Variants in MEF2C observed in about 807,000 individuals in gnomAD.
MEF2C encodes the protein myocyte-specific enhancer factor 2C.
MEF2C carries 6 observed loss-of-function variants against 50.5 expected under a neutral mutation model. The observed-to-expected ratio is 0.12, with a 90% CI of 0.07 to 0.23. The LOEUF is 0.23. Among genes scored for constraint, MEF2C ranks in the 10% least tolerant of loss-of-function variants. MEF2C has a pLI of 1.00. For missense variants in MEF2C, 276 were observed against 605.0 expected (o/e 0.46, Z 5.70); for synonymous variants, 183 against 228.0 (o/e 0.80, Z 1.78).
intron 3 of MEF2C, among the ~76,000 whole-genome samples, chr5:88,796,117 C>G (rs1197753816): frequency 6.6e-6 from 1 of 152,136 alleles, no homozygotes; most frequent in Non-Finnish European, 1.5e-5. Flanking sequence ...TGTTGTGTCT[C>G]TGCCTGGTTT....
chr5:88,851,357 T>C (rs754077469), intron 1 of MEF2C, among the ~76,000 whole-genome samples: 18 of 152,274 alleles, frequency 1.2e-4, no homozygotes, highest in Non-Finnish European at 1.8e-4. Flanking sequence ...AGTTAAGCTT[T>C]TGGAGAGCCA....
rs58754057 is a variant in MEF2C at position 88,896,944 on chromosome 5, T to TACACACAC, written c.-240+6964_-240+6971dup. Among the ~76,000 whole-genome samples the TACACACAC allele has an allele frequency of 3.7e-3, 558 of 150,594 alleles. 4 individuals carry two copies. Among genetic ancestry groups the TACACACAC allele is most frequent in the Middle Eastern group, 0.01 (3 of 294 alleles). The stretch of plus-strand genomic sequence containing the variant: ...GTATCAGTTGTGAACTCAGTAAAGC[T>TACACACAC]ACACACACACACACACACACACGCA... On this transcript the variant is annotated intron_variant, in intron 1 of 11. Transcript: ENST00000340208.
chr5:88,792,787 T>C (rs955692701), intron 3 of MEF2C, among the ~76,000 whole-genome samples: 1 of 152,224 alleles, frequency 6.6e-6, no homozygotes, highest in Non-Finnish European at 1.5e-5. Flanking sequence ...TTGGAGAGTA[T>C]GGACCTAGAT....
chr5:88,897,312 G>A (rs749032549), intron 1 of MEF2C, among the ~76,000 whole-genome samples: 3 of 152,198 alleles, frequency 2.0e-5, no homozygotes, highest in South Asian at 2.1e-4. Context: ...TTACGTAGCC[G>A]TGAGATTCTA....
chr5:88,781,076 T>G (rs1250780439), intron 3 of MEF2C, among the ~76,000 whole-genome samples: 5 of 152,162 alleles, frequency 3.3e-5, no homozygotes, highest in Admixed American at 1.3e-4. Context: ...TGACTCCTAG[T>G]TTTTTTCCTT....
In MEF2C at chr5:88,826,069, T is replaced by A. The variant is rs1211716995; in HGVS notation, c.-142-2139A>T. ...AAAAGTCTCAGAAAGACAGAGAGAG[T>A]TCCTGATGAACCAAACTTAGGAGAG... On this transcript the variant is annotated intron_variant, in intron 1 of 10. Coordinates refer to ENST00000504921, the MANE Select transcript of MEF2C (RefSeq NM_002397.5). Among the ~76,000 whole-genome samples the A allele has an allele frequency of 2.0e-5, 3 of 151,572 alleles. No homozygotes were observed. The East Asian group carries it at 5.8e-4, about 30-fold the overall frequency.
At chr5:88,862,749 T>A (rs1825922591) in intron 1 of MEF2C, among the ~76,000 whole-genome samples, 1 of 152,160 alleles carries the variant, frequency 6.6e-6, no homozygotes, top group South Asian at 2.1e-4. Flanking sequence ...TCCTTTCAGC[T>A]GTGTCTAGGA....
chr5:88,816,708 T>C (rs180954227), intron 2 of MEF2C, among the ~76,000 whole-genome samples: 54 of 151,924 alleles, frequency 3.6e-4, no homozygotes, highest in African/African-American at 1.1e-3. Context: ...TTCTGATGGG[T>C]ATGATGTCCT....
At chr5:88,870,800 C>A (rs1010691055) in intron 1 of MEF2C, among the ~76,000 whole-genome samples, 6 of 152,148 alleles carry the variant, frequency 3.9e-5, no homozygotes, top group African/African-American at 1.4e-4. Context: ...TCTACCACAG[C>A]CTGGTACAAA....
chr5:88,861,777 C>T (rs1258094480), intron 1 of MEF2C, among the ~76,000 whole-genome samples: 1 of 152,158 alleles, frequency 6.6e-6, no homozygotes. Flanking sequence ...GTGATATTTA[C>T]TGACTTGCAA....
intron 8 of MEF2C, 59 bp from the exon 9 acceptor site, chr5:88,729,406 G>T (rs1760413768): frequency 1.4e-6 from 2 of 1,408,826 alleles, no homozygotes; most frequent in South Asian, 1.2e-5. Context: ...AAAAATATTA[G>T]ATTTCAGTAT....
intron 5 of MEF2C, chr5:88,750,979 G>T: frequency 1.6e-6 from 1 of 607,828 alleles, no homozygotes; most frequent in Non-Finnish European, 2.1e-6. Context: ...TTTGCTGTAT[G>T]TGACTTAGAA....
At chr5:88,863,106 T>C (rs1826032960) in intron 1 of MEF2C, among the ~76,000 whole-genome samples, 1 of 152,258 alleles carries the variant, frequency 6.6e-6, no homozygotes, top group African/African-American at 2.4e-5. Context: ...AGACTCACCT[T>C]AGGCATCCTT....
At chr5:88,834,280 G>A (rs1028615733) in intron 1 of MEF2C, among the ~76,000 whole-genome samples, 6 of 152,122 alleles carry the variant, frequency 3.9e-5, no homozygotes. Flanking sequence ...AACATACTTG[G>A]TGTATTCTGA....
chr5:88,850,363 A>C (rs1473919760), intron 1 of MEF2C, among the ~76,000 whole-genome samples: 2 of 152,210 alleles, frequency 1.3e-5, no homozygotes, highest in East Asian at 3.8e-4. Flanking sequence ...AAATGGAGGC[A>C]AAGAGGACTT....
intron 1 of MEF2C, chr5:88,838,690 C>T: frequency 2.0e-6 from 2 of 985,212 alleles, no homozygotes; most frequent in Non-Finnish European, 2.4e-6. Flanking sequence ...CTGGTATGAC[C>T]CTGGCCATTA....
intron 4 of MEF2C, among the ~76,000 whole-genome samples, chr5:88,756,313 T>C (rs1775271613): frequency 6.6e-6 from 1 of 152,170 alleles, no homozygotes; most frequent in Admixed American, 6.5e-5. Context: ...CCCTGCTACC[T>C]TCCCCCCTTT....
intron 6 of MEF2C, chr5:88,741,872 T>A: frequency 3.0e-6 from 3 of 985,396 alleles, no homozygotes; most frequent in Non-Finnish European, 3.6e-6. Flanking sequence ...CAGTGAACAC[T>A]TAGCACCTTT....
At chr5:88,783,022 GT>G (rs1021442812) in intron 3 of MEF2C, among the ~76,000 whole-genome samples, 5 of 151,968 alleles carry the variant, frequency 3.3e-5, no homozygotes, top group African/African-American at 1.2e-4. Context: ...TGCATACTTG[GT>G]TTTTTGAAAG....
Sources: allele counts gnomAD v4.1 joint callset (sites outside exome capture counted in the v4.1 genomes callset), GRCh38; gene constraint gnomAD v4.1.1; transcripts MANE v1.5; gene names NCBI Gene and HGNC (gene_info 2026-07-23, HGNC 2026-07-21).